The following KALRN variants were observed in gnomAD, a reference collection of about 807,000 sequenced individuals.
KALRN encodes the protein kalirin RhoGEF kinase.
Under a neutral mutation model 353.7 loss-of-function variants are expected in KALRN, and 70 were observed. The observed-to-expected ratio is 0.20, with a 90% CI of 0.16 to 0.24. The LOEUF (loss-of-function observed/expected upper bound fraction) is 0.24. Ranked by LOEUF, KALRN falls within the 10% of genes least tolerant of loss-of-function variation. The pLI is 1.00. For synonymous variants in KALRN, 1,391 were observed against 1,434.8 expected, an observed-to-expected ratio of 0.97 and a Z score of 0.69; for missense variants, 2,791 against 3,756.7, an observed-to-expected ratio of 0.74 and a Z score of 6.72.
intron 1 of KALRN, among the ~76,000 whole-genome samples, chr3:124,208,473 A>G (rs2076610792): frequency 6.6e-6 from 1 of 152,184 alleles, no homozygotes; most frequent in Admixed American, 6.5e-5. Context: ...AGTTAAAGGA[A>G]GGGCAGATAG....
rs545172028 is a variant in KALRN at position 124,463,080 on chromosome 3, G to A, written c.4031+447G>A. Among the ~76,000 whole-genome samples the A allele has an allele frequency of 4.6e-5, 7 of 152,228 alleles. No individual in the cohort carries two copies. The South Asian group carries it at 1.0e-3, about 23-fold the overall frequency. On this transcript the variant is annotated intron_variant, in intron 25 of 59. Coordinates refer to ENST00000682506, the MANE Select transcript of KALRN (RefSeq NM_001388419.1). ...TTCACATTTCTTGACAGTTTGGAGG[G>A]AAGGATATCAACCGATACTCTGTTT... is the stretch of plus-strand genomic sequence containing the variant.
intron 25 of KALRN, among the ~76,000 whole-genome samples, chr3:124,463,048 A>G (rs993475340): frequency 6.6e-6 from 1 of 152,114 alleles, no homozygotes; most frequent in African/African-American, 2.4e-5. Flanking sequence ...CTCCATCCTC[A>G]TTTTATTTCA....
intron 9 of KALRN, among the ~76,000 whole-genome samples, chr3:124,343,407 G>C (rs2081972375): frequency 6.6e-6 from 1 of 152,066 alleles, no homozygotes; most frequent in South Asian, 2.1e-4. Context: ...CAATCCACCT[G>C]CCTCTGCCTC....
chr3:124,500,749 G>T (rs2064421851), intron 33 of KALRN, among the ~76,000 whole-genome samples: 1 of 152,226 alleles, frequency 6.6e-6, no homozygotes, highest in Non-Finnish European at 1.5e-5. Context: ...TGCTCACTTT[G>T]TTCCATGGTG....
intron 3 of KALRN, among the ~76,000 whole-genome samples, chr3:124,252,877 C>T (rs976830622): frequency 2.0e-5 from 3 of 152,146 alleles, no homozygotes; most frequent in Non-Finnish European, 4.4e-5. Context: ...AGGAGGCCTC[C>T]CCATTTTAAA....
At chr3:124,209,458 T>C (rs995915419) in intron 1 of KALRN, among the ~76,000 whole-genome samples, 30 of 124,986 alleles carry the variant, frequency 2.4e-4, no homozygotes, top group African/African-American at 9.1e-4. Flanking sequence ...CACTGCACTC[T>C]AGCCTGGGCA....
At chr3:124,412,401 G>A (rs1376884091) in intron 13 of KALRN, among the ~76,000 whole-genome samples, 2 of 152,234 alleles carry the variant, frequency 1.3e-5, no homozygotes, top group Admixed American at 6.5e-5. Flanking sequence ...CGTCTCCTGA[G>A]AAAAGAGGAT....
intron 1 of KALRN, among the ~76,000 whole-genome samples, chr3:124,198,187 TAG>T (rs984026128): frequency 2.0e-5 from 3 of 152,192 alleles, no homozygotes; most frequent in Admixed American, 1.3e-4. Flanking sequence ...TGCTTACTCC[TAG>T]AGGTCATCTA....
At chr3:124,390,812 G>T (rs534150540) in intron 11 of KALRN, among the ~76,000 whole-genome samples, 4 of 152,070 alleles carry the variant, frequency 2.6e-5, no homozygotes, top group Non-Finnish European at 5.9e-5. Context: ...CCACTCATCC[G>T]TAAGCCTTGT....
chr3:124,347,375 G>GTGTGTGTGTGTGTT lies in KALRN; in HGVS notation c.1770+123_1770+124insTTGTGTGTGTGTGT. On this transcript the variant is annotated intron_variant, in intron 10 of 59. Transcript: ENST00000682506. Reference sequence around the variant, plus strand: ...AGAGGTGGCTCAGGTGAGAAGCTGTGTGTGTGTGTGTGTGTGTGTGTGTGT... The same window carrying GTGTGTGTGTGTGTT: ...AGAGGTGGCTCAGGTGAGAAGCTGTGTGTGTGTGTGTGTTTGTGTGTGTGTGTGTGTGTGTGTGT... 3.3e-6 allele frequency: 4 copies of GTGTGTGTGTGTGTT among 1,208,134 alleles called. No homozygotes were observed. In the South Asian group the frequency reaches 6.3e-5, roughly 19 times the overall value. 74.8% of individuals were successfully genotyped at this position (1,208,134 alleles called of 1,614,324 possible). A position where few individuals can be genotyped will look rare whatever the true frequency, so the allele number is the denominator to read the frequency against.
chr3:124,499,340 C>T (rs536398694), intron 33 of KALRN, among the ~76,000 whole-genome samples: 2 of 152,278 alleles, frequency 1.3e-5, no homozygotes, highest in Admixed American at 6.5e-5. Context: ...ACTGCACCTT[C>T]GTTTTTCTGT....
intron 13 of KALRN, among the ~76,000 whole-genome samples, chr3:124,407,173 G>A (rs1021402970): frequency 2.6e-5 from 4 of 152,072 alleles, no homozygotes; most frequent in South Asian, 2.1e-4. Context: ...AAATGGAAAC[G>A]AAATAATATT....
In KALRN at chr3:124,416,160, T is replaced by C. The variant is rs2092481812; in HGVS notation, c.2542+2495T>C. On this transcript the variant is annotated intron_variant, in intron 14 of 59. Transcript: ENST00000682506. ...TGCAGGGATGCTCACCCTTCATCTC[T>C]CATGGTAGATGTGTCCAGCAGGAAA... Among the ~76,000 whole-genome samples, 8 of 152,158 alleles carry C rather than the reference T, an allele frequency of 5.3e-5. No individual in the cohort carries two copies. In the South Asian group the frequency reaches 1.7e-3, roughly 32 times the overall value.
intron 1 of KALRN, among the ~76,000 whole-genome samples, chr3:124,071,150 A>C (rs1291970110): frequency 2.0e-5 from 3 of 152,170 alleles, no homozygotes; most frequent in African/African-American, 4.8e-5. Context: ...CATGGTGTAC[A>C]TGCCTGTGTA....
At chr3:124,451,038 G>C (rs956840155) in intron 21 of KALRN, among the ~76,000 whole-genome samples, 1 of 152,006 alleles carries the variant, frequency 6.6e-6, no homozygotes, top group Admixed American at 6.6e-5. Context: ...AAAAAAAATT[G>C]ATAAGGAATA....
At chr3:124,178,196 C>T (rs1190443599) in intron 1 of KALRN, among the ~76,000 whole-genome samples, 3 of 152,146 alleles carry the variant, frequency 2.0e-5, no homozygotes, top group East Asian at 1.9e-4. Flanking sequence ...CCCTTTTCTG[C>T]GGGTGATACT....
Position 124,227,999 on chromosome 3 carries a change from G to C in KALRN, c.83G>C (p.Arg28Pro). ...GTTTGTTGTCCCACAGGGTCTTTTC[G>C]GAATGATGGTTTGAAAGCTTCTGAT... ...VDAFFRTGSF[R>P]NDGLKASDVL... The change falls in exon 2 of 60, where the codon CGG becomes CCG. Residue 28 changes from arginine to proline, a missense_variant. Around this residue, in one of 11 missense-constraint regions of KALRN, gnomAD observed 110 missense variants for 204.1 expected, o/e 0.54. Coordinates refer to ENST00000682506, the MANE Select transcript of KALRN (RefSeq NM_001388419.1). 6.2e-7 allele frequency: 1 copy of C among 1,613,920 alleles called. No homozygotes were observed. The highest frequency in any genetic ancestry group is 8.5e-7 in the Non-Finnish European group (1 of 1,179,902).
At chr3:124,367,267 T>G (rs62262852) in intron 10 of KALRN, among the ~76,000 whole-genome samples, 2 of 37,422 alleles carry the variant, frequency 5.3e-5, no homozygotes, top group Admixed American at 2.7e-4. Flanking sequence ...CCGGACGGGG[T>G]GGCTGGCCGG....
chr3:124,478,153 A>G (rs934604740), intron 27 of KALRN, among the ~76,000 whole-genome samples: 1 of 152,222 alleles, frequency 6.6e-6, no homozygotes, highest in African/African-American at 2.4e-5. Flanking sequence ...GGGAAAGATG[A>G]AATTGGGGAA....
Sources: gnomAD v4.1 joint callset for allele counts (sites outside exome capture counted in the v4.1 genomes callset) on GRCh38, gnomAD v4.1.1 for gene constraint, gnomAD v4.1.1 regional missense constraint, MANE v1.5 for transcripts, NCBI Gene and HGNC (gene_info 2026-07-23, HGNC 2026-07-21) for gene names.